TYR: variants seen among roughly 807,000 people sequenced by gnomAD.
TYR encodes tyrosinase, also known as LB24-AB.
In TYR, 58 loss-of-function variants were observed where a neutral mutation model predicts 51.5. The observed-to-expected ratio is 1.13, with a 90% confidence interval of 0.91 to 1.40. TYR has a LOEUF of 1.40. TYR is among the 40% of genes most tolerant of loss of function. TYR has a pLI of 0.00. For synonymous variants in TYR, 263 were observed against 235.2 expected (o/e 1.12, Z -1.08); for missense variants, 732 against 647.4 (o/e 1.13, Z -1.42).
chr11:89,243,410 C>A (rs895601778), intron 3 of TYR, among the ~76,000 whole-genome samples: 1 of 152,126 alleles, frequency 6.6e-6, no homozygotes, highest in African/African-American at 2.4e-5. Context: ...CAAGCATCAC[C>A]TTGTCAGTGC....
intron 3 of TYR, among the ~76,000 whole-genome samples, chr11:89,270,659 C>A (rs996218408): frequency 2.0e-5 from 3 of 151,796 alleles, no homozygotes; most frequent in Non-Finnish European, 2.9e-5. Flanking sequence ...ATTAGTGATT[C>A]ATAAAATGTT....
At chr11:89,245,129 T>A (rs1944247926) in intron 3 of TYR, among the ~76,000 whole-genome samples, 1 of 152,192 alleles carries the variant, frequency 6.6e-6, no homozygotes, top group South Asian at 2.1e-4. Context: ...ATGAGTAGAT[T>A]TTTTACTTGT....
At chr11:89,212,590 G>A (rs144220982) in intron 2 of TYR, among the ~76,000 whole-genome samples, 2,540 of 152,180 alleles carry the variant, frequency 0.017, 63 homozygotes, top group African/African-American at 0.057. Flanking sequence ...CATTTTATGA[G>A]GCCAGCATCA....
intron 3 of TYR, among the ~76,000 whole-genome samples, chr11:89,272,782 C>T (rs1234056055): frequency 1.3e-5 from 2 of 151,888 alleles, no homozygotes; most frequent in Non-Finnish European, 2.9e-5. Flanking sequence ...GGTTAATTTT[C>T]TGCAGCTTTT....
chr11:89,210,381 T>TGAAATAAAGTAA (rs71052217), intron 2 of TYR, among the ~76,000 whole-genome samples: 1 of 151,134 alleles, frequency 6.6e-6, no homozygotes, highest in Admixed American at 6.6e-5. Flanking sequence ...ATCAAATTAA[T>TGAAATAAAGTAA]GAAATAAAGT....
chr11:89,288,040 G>A (rs542822358), intron 4 of TYR, among the ~76,000 whole-genome samples: 16 of 152,064 alleles, frequency 1.1e-4, no homozygotes, highest in African/African-American at 3.9e-4. Flanking sequence ...AACAAGAGGA[G>A]CAAAGAAAGA....
chr11:89,179,510 G>A (rs144676008), intron 1 of TYR, among the ~76,000 whole-genome samples: 1 of 151,996 alleles, frequency 6.6e-6, no homozygotes, highest in Non-Finnish European at 1.5e-5. Flanking sequence ...AGGTTATAAA[G>A]GTATCAGGTA....
chr11:89,229,365 C>T (rs1944014170), intron 3 of TYR, among the ~76,000 whole-genome samples: 1 of 151,994 alleles, frequency 6.6e-6, no homozygotes, highest in African/African-American at 2.4e-5. Context: ...AAGCATAGTG[C>T]TGGAATAAAA....
At chr11:89,239,636 G>A (rs1205985906) in intron 3 of TYR, among the ~76,000 whole-genome samples, 1 of 151,778 alleles carries the variant, frequency 6.6e-6, no homozygotes, top group Non-Finnish European at 1.5e-5. Context: ...TACAGCATTG[G>A]ATTATGTATT....
chr11:89,200,823 A>G (rs1288085910), intron 2 of TYR, among the ~76,000 whole-genome samples: 2 of 152,180 alleles, frequency 1.3e-5, no homozygotes, highest in South Asian at 2.1e-4. Flanking sequence ...TTTTAAAAAC[A>G]TTTTCAGATA....
At chr11:89,188,638 G>A (rs188709417) in intron 1 of TYR, among the ~76,000 whole-genome samples, 95 of 152,124 alleles carry the variant, frequency 6.2e-4, no homozygotes, top group Non-Finnish European at 9.7e-4. Context: ...TTGAACTTTT[G>A]CTAGCTAGTG....
chr11:89,274,468 A>G (rs907236696), intron 3 of TYR, among the ~76,000 whole-genome samples: 5 of 151,896 alleles, frequency 3.3e-5, no homozygotes, highest in African/African-American at 1.2e-4. Context: ...TGTAGAACTA[A>G]TGGCTTCTGC....
rs182939798 is a variant in TYR, at chr11:89,289,259, T to C, written c.1366+4305T>C. Among the ~76,000 whole-genome samples the C allele has an allele frequency of 1.6e-4, 24 of 152,192 alleles. 1 individual carries two copies. In the East Asian group the frequency reaches 4.7e-3, roughly 30 times the overall value. ...TTTCAAAAATGAGAAGGGGAAACAC[T>C]GTTCACAGTAACTGCAGTGCCCCAT... is the stretch of plus-strand genomic sequence containing the variant. On this transcript the variant is annotated intron_variant, in intron 4 of 4. Transcript: ENST00000263321.
chr11:89,291,379 A>G (rs1328703557), intron 4 of TYR, among the ~76,000 whole-genome samples: 5 of 151,966 alleles, frequency 3.3e-5, no homozygotes, highest in African/African-American at 1.2e-4. Context: ...TTTACTATGC[A>G]TTATCTGATT....
At chr11:89,195,049 G>A (rs1943497470) in intron 2 of TYR, among the ~76,000 whole-genome samples, 1 of 152,184 alleles carries the variant, frequency 6.6e-6, no homozygotes, top group Non-Finnish European at 1.5e-5. Flanking sequence ...GATGTGGGGT[G>A]TCTTGGTCTA....
chr11:89,270,511 G>T (rs879743283), intron 3 of TYR, among the ~76,000 whole-genome samples: 3 of 151,692 alleles, frequency 2.0e-5, no homozygotes, highest in Admixed American at 6.6e-5. Flanking sequence ...TCCAGCACTC[G>T]GTGCAATGCT....
At chr11:89,266,207 C>G (rs539885123) in intron 3 of TYR, among the ~76,000 whole-genome samples, 5 of 151,866 alleles carry the variant, frequency 3.3e-5, no homozygotes, top group African/African-American at 1.2e-4. Context: ...ATCTAAATTG[C>G]CAATGATATT....
At chr11:89,207,440 A>G (rs1042122374) in intron 2 of TYR, among the ~76,000 whole-genome samples, 1 of 152,200 alleles carries the variant, frequency 6.6e-6, no homozygotes, top group Non-Finnish European at 1.5e-5. Context: ...CAACTTGAAT[A>G]GCCCTATAAA....
intron 3 of TYR, among the ~76,000 whole-genome samples, chr11:89,280,586 A>G (rs1025699515): frequency 1.3e-4 from 20 of 151,298 alleles, no homozygotes; most frequent in African/African-American, 4.8e-4. Flanking sequence ...TATATTATGT[A>G]TAGTTTTTTA....
Sources: gnomAD v4.1 joint callset for allele counts (sites outside exome capture counted in the v4.1 genomes callset) on GRCh38, gnomAD v4.1.1 for gene constraint, MANE v1.5 for transcripts, NCBI Gene and HGNC (gene_info 2026-07-23, HGNC 2026-07-21) for gene names.